The following ELF4 variants were observed in gnomAD, a reference collection of about 807,000 sequenced individuals.
ELF4 encodes the protein E74 like ETS transcription factor 4, also known as ETS-related transcription factor Elf-4.
A neutral mutation model predicts 31.7 loss-of-function variants in ELF4; 10 were observed. The ratio of observed to expected loss-of-function variants is 0.32; its 90% CI spans 0.19 to 0.54. The LOEUF is 0.54. Ranked by LOEUF, ELF4 falls within the 20% of genes least tolerant of loss-of-function variation. The pLI, the probability that ELF4 is intolerant of heterozygous loss-of-function variation, is 0.95. For missense variants in ELF4, 418 were observed against 522.0 expected (o/e 0.80, Z 1.94); for synonymous variants, 208 against 226.7 (o/e 0.92, Z 0.74).
At chrX:130,111,782 C>T (rs1008450046), upstream of ELF4, among the ~76,000 whole-genome samples, 3 of 112,393 alleles carry the variant, frequency 2.7e-5, no homozygotes, top group Admixed American at 9.4e-5. Context: ...GAAAGCCACT[C>T]AGGCACGCTC....
At chrX:130,102,900 A>T (rs1209826994) in intron 1 of ELF4, among the ~76,000 whole-genome samples, 2 of 102,303 alleles carry the variant, frequency 2.0e-5, no homozygotes, top group Admixed American at 2.1e-4. Context: ...GAAAGAAAGA[A>T]AGAAAGAAAG....
chrX:130,101,740 A>G (rs772799325), intron 1 of ELF4, among the ~76,000 whole-genome samples: 38 of 110,836 alleles, frequency 3.4e-4, no homozygotes, highest in Non-Finnish European at 1.3e-4. Flanking sequence ...CAGAGGTTGC[A>G]GTGAGCCGAG....
intron 1 of ELF4, among the ~76,000 whole-genome samples, chrX:130,104,318 A>C (rs748739730): frequency 1.8e-4 from 19 of 105,333 alleles, no homozygotes; most frequent in Non-Finnish European, 1.2e-4. Context: ...ACACACACAC[A>C]CCTTCTATTA....
chrX:130,071,218 G>T lies in ELF4; in HGVS notation c.631C>A (p.Leu211Met), dbSNP rs1227464889. 8.3e-7 allele frequency: 1 copy of T among 1,211,793 alleles called. No individual in the cohort carries two copies. Among genetic ancestry groups the T allele is most frequent in the Non-Finnish European group, 1.1e-6 (1 of 895,613 alleles). ...AGAAGAGCCAGGAGGAACTCCCACA[G>T]ATAGATGGTGCTGCCTGCAGAGGGG... is the stretch of plus-strand genomic sequence containing the variant. Reference protein sequence around the residue: ...SKDGKGSTIYLWEFLLALLQD... With the variant: ...SKDGKGSTIYMWEFLLALLQD... Residue 211 changes from leucine (L) to methionine (M), a missense_variant, in exon 7 of 9, where the codon CTG becomes ATG. Around this residue, in one of 4 missense-constraint regions of ELF4, gnomAD observed 88 missense variants for 92.4 expected, o/e 0.95. Transcript: ENST00000308167.
At chrX:130,068,198 T>G (rs1267637789) in intron 8 of ELF4, among the ~76,000 whole-genome samples, 1 of 112,439 alleles carries the variant, frequency 8.9e-6, no homozygotes, top group African/African-American at 3.2e-5. Flanking sequence ...CACTCAATCC[T>G]GAAAACAGCC....
In ELF4 at chrX:130,067,219, G is replaced by A. The variant is rs1319021209; in HGVS notation, c.1494C>T (p.Asn498=). The change falls in exon 9 of 9, where the codon AAC becomes AAT. Residue 498 remains asparagine, a synonymous_variant. Coordinates refer to ENST00000308167, the MANE Select transcript of ELF4 (RefSeq NM_001421.4). ...QLLAGANRPT[N]PAPPTVTGAG... ...CCCCTGTGACCGTGGGTGGCGCCGG[G>A]TTGGTCGGACGGTTGGCCCCAGCCA... The A allele has an allele frequency of 1.7e-6, 2 of 1,210,415 alleles. No homozygotes were observed. The highest frequency in any genetic ancestry group is 1.7e-5 in the African/African-American group (1 of 57,498).
chrX:130,102,916 AAGAAAG>A (rs1569410621), intron 1 of ELF4, among the ~76,000 whole-genome samples: 10 of 103,869 alleles, frequency 9.6e-5, no homozygotes, highest in East Asian at 3.0e-4. Context: ...GAAAGAAAGA[AAGAAAG>A]AGAGAGAAGG....
chrX:130,066,779 G>T lies in ELF4; in HGVS notation c.1934C>A (p.Ala645Asp), dbSNP rs372576424. Reference protein sequence around the residue: ...GSLLTRSPTPAPFSPFNPTSL... With the variant: ...GSLLTRSPTPDPFSPFNPTSL... The stretch of plus-strand genomic sequence containing the variant: ...AGTAGGGTTGAATGGGGAGAAAGGG[G>T]CTGGGGTGGGGGATCTTGTCAGAAG... The change falls in exon 9 of 9, where the codon GCC becomes GAC. Residue 645 changes from alanine to aspartate, a missense_variant. Physicochemically the swap from Ala to Asp is moderately radical, Grantham distance 126. Transcript: ENST00000308167. 2 of 1,209,260 alleles carry T rather than the reference G, an allele frequency of 1.7e-6. No individual in the cohort carries two copies. The highest frequency in any genetic ancestry group is 2.2e-6 in the Non-Finnish European group (2 of 894,387).
chrX:130,103,915 C>T (rs1176830365), intron 1 of ELF4, among the ~76,000 whole-genome samples: 1 of 112,083 alleles, frequency 8.9e-6, no homozygotes, highest in Non-Finnish European at 1.9e-5. Flanking sequence ...AGGGCACTGG[C>T]CCCCAGTCCC....
intron 7 of ELF4, among the ~76,000 whole-genome samples, chrX:130,070,311 G>A (rs2124613122): frequency 9.0e-6 from 1 of 111,451 alleles, no homozygotes; most frequent in East Asian, 2.8e-4. Context: ...CGTGACTCAC[G>A]CCTGTAATCC....
chrX:130,067,226 G>A lies in ELF4; in HGVS notation c.1487C>T (p.Pro496Leu), dbSNP rs768250722. 30 of 1,210,457 alleles carry A rather than the reference G, an allele frequency of 2.5e-5. No individual in the cohort carries two copies. In the Middle Eastern group the frequency reaches 9.2e-4, roughly 37 times the overall value. The change falls in exon 9 of 9, where the codon CCG becomes CTG. Residue 496 changes from proline (P) to leucine (L), a missense_variant. Physicochemically the swap from Pro to Leu is moderately conservative, Grantham distance 98 (BLOSUM62 -3). Transcript: ENST00000308167. ...GACCGTGGGTGGCGCCGGGTTGGTC[G>A]GACGGTTGGCCCCAGCCAGAAGTTG... The part of the protein sequence containing the change: ...LPQLLAGANR[P>L]TNPAPPTVTG...
At chrX:130,076,427 G>GTTTTC (rs755818949) in intron 2 of ELF4, among the ~76,000 whole-genome samples, 174 of 111,561 alleles carry the variant, frequency 1.6e-3, no homozygotes, top group Middle Eastern at 4.6e-3. Context: ...GTTAATCATA[G>GTTTTC]TTTTCTTTTC....
Position 130,066,902 on chromosome X carries a change from C to T in ELF4, c.1811G>A (p.Arg604His), listed in dbSNP as rs377233001. 92 of 1,210,394 alleles carry T rather than the reference C, an allele frequency of 7.6e-5. No homozygotes were observed. Among genetic ancestry groups the T allele is most frequent in the Non-Finnish European group, 8.8e-5 (79 of 895,257 alleles). Residue 604 changes from arginine (R) to histidine (H), a missense_variant, in exon 9 of 9, where the codon CGC (arginine) becomes CAC (histidine). Arg to His is a conservative substitution (Grantham distance 29, BLOSUM62 0). Transcript: ENST00000308167. ...LGNQTLSPPS[R>H]PTVGLTPVAE... is the part of the protein sequence containing the mutation. Reference sequence around the variant, plus strand: ...CACTGGGGTCAGCCCAACAGTGGGGCGGCTGGGAGGAGACAAAGTCTGGTT... The same window carrying T: ...CACTGGGGTCAGCCCAACAGTGGGGTGGCTGGGAGGAGACAAAGTCTGGTT...
chrX:130,083,939 C>T (rs1042341181), intron 1 of ELF4, among the ~76,000 whole-genome samples: 6 of 111,256 alleles, frequency 5.4e-5, no homozygotes, highest in African/African-American at 3.3e-5. Flanking sequence ...TATCTGTATA[C>T]GGTGGATGCG....
Sources: gnomAD v4.1 joint callset for allele counts (sites outside exome capture counted in the v4.1 genomes callset) on GRCh38, gnomAD v4.1.1 for gene constraint, gnomAD v4.1.1 regional missense constraint, MANE v1.5 for transcripts, NCBI Gene and HGNC (gene_info 2026-07-23, HGNC 2026-07-21) for gene names.